The following GGNBP2 variants were observed in gnomAD, a reference collection of about 807,000 sequenced individuals.
GGNBP2 encodes gametogenetin binding protein 2, also known as gametogenetin-binding protein 2.
In GGNBP2, 10 loss-of-function variants were observed where a neutral mutation model predicts 85.9. The ratio of observed to expected loss-of-function variants is 0.12; its 90% confidence interval spans 0.07 to 0.20. The LOEUF (loss-of-function observed/expected upper bound fraction) is 0.20, where lower values mean the gene tolerates loss of function less well. GGNBP2 is among the 10% of genes least tolerant of loss of function. The pLI is 1.00. For missense variants in GGNBP2, 595 were observed against 857.8 expected (o/e 0.69, Z 3.83); for synonymous variants, 287 against 285.7 (o/e 1.00, Z -0.05).
At chr17:36,546,279 G>A (rs1046475514) in intron 2 of GGNBP2, 8 of 260,710 alleles carry the variant, frequency 3.1e-5, no homozygotes, top group African/African-American at 1.5e-4. Flanking sequence ...ATTACTGGGG[G>A]CAGAGTGACA....
At chr17:36,551,249 C>G (rs1360853117) in intron 2 of GGNBP2, among the ~76,000 whole-genome samples, 1 of 150,564 alleles carries the variant, frequency 6.6e-6, no homozygotes, top group African/African-American at 2.5e-5. Flanking sequence ...TCTTGTCGCT[C>G]AAGCTGGCGT....
chr17:36,573,143 C>T (rs938347100), intron 6 of GGNBP2, among the ~76,000 whole-genome samples: 4 of 152,106 alleles, frequency 2.6e-5, no homozygotes, highest in East Asian at 3.9e-4. Context: ...GAGACAGTCT[C>T]GCTCTGTTGC....
chr17:36,587,149 T>C lies in GGNBP2; in HGVS notation c.1794T>C (p.Phe598=), dbSNP rs1209111105. The C allele has an allele frequency of 6.2e-7, 1 of 1,613,944 alleles. No homozygotes were observed. The highest frequency in any genetic ancestry group is 1.3e-5 in the African/African-American group (1 of 74,862). ...SEKGGQPLPW[F]EHRKNVPQFA... ...AGGGTGGGCAGCCATTGCCTTGGTT[T>C]GAGCATAGGAAAAATGTACCACAGT... Residue 598 remains phenylalanine (F), a synonymous_variant, in exon 13 of 14, where the codon TTT becomes TTC. Transcript: ENST00000613102.
intron 6 of GGNBP2, chr17:36,577,299 A>C (rs949867230): frequency 6.6e-6 from 1 of 152,148 alleles, no homozygotes; most frequent in Non-Finnish European, 1.5e-5. Flanking sequence ...AAACTCTTCT[A>C]TTCTTTTGCC....
intron 9 of GGNBP2, among the ~76,000 whole-genome samples, chr17:36,584,305 A>G (rs1599550553): frequency 6.6e-6 from 1 of 152,202 alleles, no homozygotes; most frequent in African/African-American, 2.4e-5. Flanking sequence ...GACAGCTGCA[A>G]TAGAAATGCT....
rs1292643936 is a variant in GGNBP2, at chr17:36,557,280, A to G, written c.372A>G (p.Val124=). 3.1e-6 allele frequency: 5 copies of G among 1,613,976 alleles called. No homozygotes were observed. Among genetic ancestry groups the G allele is most frequent in the Non-Finnish European group, 4.2e-6 (5 of 1,179,846 alleles). Residue 124 remains valine (V), a synonymous_variant, in exon 4 of 14, where the codon GTA becomes GTG. Transcript: ENST00000613102. The stretch of plus-strand genomic sequence containing the variant: ...TAGGGCCCAAGGGAGTCCTGTCTGT[A>G]ACTAGAAGCTGCATGACTGATGCAA... ...LTVGPKGVLS[V]TRSCMTDAKK...
rs774233871 is a variant in GGNBP2 at position 36,586,992 on chromosome 17, A to G, written c.1642-5A>G. Reference sequence around the variant, plus strand: ...TACCTGTGAAATCCTTTGCTGTGGTATCAGATCCAGAAGCTTGGAAGCTGT... The same window carrying G: ...TACCTGTGAAATCCTTTGCTGTGGTGTCAGATCCAGAAGCTTGGAAGCTGT... On this transcript the variant is annotated splice_polypyrimidine_tract_variant and splice_region_variant and intron_variant, in intron 12 of 13. Coordinates refer to ENST00000613102, the MANE Select transcript of GGNBP2 (RefSeq NM_024835.5). 1.1e-5 allele frequency: 18 copies of G among 1,608,746 alleles called. No individual in the cohort carries two copies. In the Admixed American group the frequency reaches 1.3e-4, roughly 12 times the overall value.
At chr17:36,548,902 G>T (rs1191409080) in intron 2 of GGNBP2, among the ~76,000 whole-genome samples, 1 of 148,888 alleles carries the variant, frequency 6.7e-6, no homozygotes, top group Admixed American at 6.7e-5. Context: ...CCAAGATTGC[G>T]CCACTGCACT....
intron 9 of GGNBP2, among the ~76,000 whole-genome samples, chr17:36,583,779 T>C (rs1025933491): frequency 6.6e-6 from 1 of 152,152 alleles, no homozygotes; most frequent in Non-Finnish European, 1.5e-5. Context: ...AGTATTTTAA[T>C]ATAAACCTTT....
intron 2 of GGNBP2, among the ~76,000 whole-genome samples, chr17:36,552,195 C>T (rs752569087): frequency 1.3e-5 from 2 of 152,134 alleles, no homozygotes; most frequent in Admixed American, 6.6e-5. Flanking sequence ...TTACATGGCT[C>T]TAAAAGTTTA....
chr17:36,559,830 TTCTA>T (rs2074399779), intron 4 of GGNBP2, among the ~76,000 whole-genome samples: 1 of 152,076 alleles, frequency 6.6e-6, no homozygotes, highest in Non-Finnish European at 1.5e-5. Context: ...TTAGCTTTTA[TTCTA>T]TCTTATTTAT....
At chr17:36,571,959 G>A (rs2074529652) in intron 6 of GGNBP2, among the ~76,000 whole-genome samples, 1 of 152,110 alleles carries the variant, frequency 6.6e-6, no homozygotes, top group Non-Finnish European at 1.5e-5. Flanking sequence ...TGAGGTGGGA[G>A]GATCACTTGA....
chr17:36,581,361 A>T lies in GGNBP2; in HGVS notation c.1038A>T (p.Val346=), dbSNP rs750836798. The T allele has an allele frequency of 6.9e-6, 11 of 1,602,314 alleles. No individual in the cohort carries two copies. In the South Asian group the frequency reaches 1.2e-4, roughly 18 times the overall value. Residue 346 remains valine (V), a synonymous_variant, in exon 9 of 14, where the codon GTA becomes GTT. Coordinates refer to ENST00000613102, the MANE Select transcript of GGNBP2 (RefSeq NM_024835.5). ...TATAATAGATGACCGTGGAAAAAGT[A>T]CAGGGTATTAGCAGATTGGAACAAC... ...RKSFEMTVEK[V]QGISRLEQLC...
At position 36,587,190 on chromosome 17, in the gene GGNBP2, A is replaced by C; in HGVS notation, c.1835A>C (p.Glu612Ala). The C allele has an allele frequency of 6.2e-7, 1 of 1,614,100 alleles. No individual in the cohort carries two copies. The highest frequency in any genetic ancestry group is 8.5e-7 in the Non-Finnish European group (1 of 1,180,012). ...GTACCACAGTTTGCAGAACCTACAG[A>C]AACGTTGTTTGGTCCCGATTCCGGA... is the stretch of plus-strand genomic sequence containing the variant. ...KNVPQFAEPT[E>A]TLFGPDSGKG... The change falls in exon 13 of 14, where the codon GAA (glutamate) becomes GCA (alanine). Residue 612 changes from glutamate to alanine, a missense_variant. Glu to Ala is a moderately radical substitution (Grantham distance 107). Around this residue, in one of 9 missense-constraint regions of GGNBP2, gnomAD observed 120 missense variants for 126.3 expected, o/e 0.95. Coordinates refer to ENST00000613102, the MANE Select transcript of GGNBP2 (RefSeq NM_024835.5).
intron 5 of GGNBP2, among the ~76,000 whole-genome samples, chr17:36,565,394 G>T (rs1205404037): frequency 1.3e-5 from 2 of 152,032 alleles, no homozygotes; most frequent in South Asian, 4.1e-4. Context: ...GAAGGCATAA[G>T]GTCTAGAATG....
At chr17:36,555,176 G>A (rs996772162) in intron 3 of GGNBP2, among the ~76,000 whole-genome samples, 4 of 152,074 alleles carry the variant, frequency 2.6e-5, no homozygotes, top group Admixed American at 2.0e-4. Context: ...TAAAAGATAA[G>A]GTATATAATT....
chr17:36,576,584 A>AAAAAAT (rs1567830323), intron 6 of GGNBP2: 7 of 47,136 alleles, frequency 1.5e-4, no homozygotes, highest in African/African-American at 8.5e-4. Context: ...AAAAAAAAAA[A>AAAAAAT]ATATATATAT....
chr17:36,549,186 A>T (rs2074284906), intron 2 of GGNBP2, among the ~76,000 whole-genome samples: 1 of 152,046 alleles, frequency 6.6e-6, no homozygotes, highest in African/African-American at 2.4e-5. Flanking sequence ...ATTTGATTTT[A>T]GAGAAATCTG....
rs1472199358 is a variant in GGNBP2, at chr17:36,579,360, G to A, written c.961G>A (p.Glu321Lys). Residue 321 changes from glutamate to lysine, a missense_variant, in exon 8 of 14, where the codon GAG (glutamate) becomes AAG (lysine). Glu to Lys is a moderately conservative substitution (Grantham distance 56). Coordinates refer to ENST00000613102, the MANE Select transcript of GGNBP2 (RefSeq NM_024835.5). ...AATCTGGCAGAAGCTACGGGCAGAAGAGCAGACATGGCAGATGCTTTTCTA... is the reference window on the plus strand; with the variant it reads ...AATCTGGCAGAAGCTACGGGCAGAAAAGCAGACATGGCAGATGCTTTTCTA... ...HRIWQKLRAE[E>K]QTWQMLFYLG... is the part of the protein sequence containing the mutation. 5 of 1,614,112 alleles carry A rather than the reference G, an allele frequency of 3.1e-6. No individual in the cohort carries two copies. Among genetic ancestry groups the A allele is most frequent in the Non-Finnish European group, 4.2e-6 (5 of 1,180,024 alleles).
Sources: gnomAD v4.1 joint callset for allele counts (sites outside exome capture counted in the v4.1 genomes callset) on GRCh38, gnomAD v4.1.1 for gene constraint, gnomAD v4.1.1 regional missense constraint, MANE v1.5 for transcripts, NCBI Gene and HGNC (gene_info 2026-07-23, HGNC 2026-07-21) for gene names.